ASCC3: variants seen among roughly 807,000 people sequenced by gnomAD.
The protein encoded by ASCC3 is ASC-1 complex subunit P200.
Under a neutral mutation model 256.3 loss-of-function variants are expected in ASCC3, and 158 were observed. The ratio of observed to expected loss-of-function variants is 0.62; its 90% CI spans 0.54 to 0.70. The LOEUF is 0.70. Among genes scored for constraint, ASCC3 ranks in the 30% least tolerant of loss-of-function variants. The pLI, the probability that ASCC3 is intolerant of heterozygous loss-of-function variation, is 0.00. For missense variants in ASCC3, 2,259 were observed against 2,626.0 expected, an observed-to-expected ratio of 0.86 and a Z score of 3.05; for synonymous variants, 948 against 883.4, an observed-to-expected ratio of 1.07 and a Z score of -1.30.
At chr6:100,819,234 C>T (rs1056739066) in intron 4 of ASCC3, among the ~76,000 whole-genome samples, 10 of 152,034 alleles carry the variant, frequency 6.6e-5, no homozygotes, top group Non-Finnish European at 1.2e-4. Flanking sequence ...TTGATGGGTG[C>T]AGCAAACCAA....
At chr6:100,841,144 A>C (rs772208423) in intron 4 of ASCC3, among the ~76,000 whole-genome samples, 1 of 152,138 alleles carries the variant, frequency 6.6e-6, no homozygotes, top group Non-Finnish European at 1.5e-5. Flanking sequence ...TCCTACAGAG[A>C]ATATTAGCTT....
At chr6:100,724,663 T>C (rs1174639913) in intron 11 of ASCC3, among the ~76,000 whole-genome samples, 1 of 151,864 alleles carries the variant, frequency 6.6e-6, no homozygotes, top group Non-Finnish European at 1.5e-5. Context: ...CTGGGCATTT[T>C]CCTGGTTAGG....
chr6:100,520,912 C>T lies in ASCC3; in HGVS notation c.5776-2770G>A, dbSNP rs111265835. ...TTTCCTGTGCCTCTGCTGTTCTTGACACACTCCACCATCATCCTTTTGTAA... is the reference window on the plus strand; with the variant it reads ...TTTCCTGTGCCTCTGCTGTTCTTGATACACTCCACCATCATCCTTTTGTAA... On this transcript the variant is annotated intron_variant, in intron 37 of 41. Coordinates refer to ENST00000369162, the MANE Select transcript of ASCC3 (RefSeq NM_006828.4). Among the ~76,000 whole-genome samples, 1,348 of 152,224 alleles carry T rather than the reference C, an allele frequency of 8.9e-3. 23 individuals carry two copies. Among genetic ancestry groups the T allele is most frequent in the African/African-American group, 0.031 (1,274 of 41,544 alleles).
intron 13 of ASCC3, among the ~76,000 whole-genome samples, chr6:100,713,632 CTG>C (rs1778958108): frequency 6.6e-6 from 1 of 152,162 alleles, no homozygotes; most frequent in Non-Finnish European, 1.5e-5. Context: ...ACTGGGGACA[CTG>C]TGCTTGTGTG....
At chr6:100,858,690 A>G in intron 3 of ASCC3, 1 of 1,011,668 alleles carries the variant, frequency 9.9e-7, no homozygotes, top group Non-Finnish European at 1.2e-6. Flanking sequence ...GACACATTTG[A>G]CAGTACATTT....
chr6:100,828,908 A>T (rs1179155895), intron 4 of ASCC3, among the ~76,000 whole-genome samples: 2 of 152,010 alleles, frequency 1.3e-5, no homozygotes, highest in East Asian at 1.9e-4. Flanking sequence ...CCCCACCCAC[A>T]TCCTGCTGAT....
intron 36 of ASCC3, among the ~76,000 whole-genome samples, chr6:100,569,670 C>T (rs187311040): frequency 1.1e-3 from 170 of 152,250 alleles, no homozygotes; most frequent in Non-Finnish European, 1.7e-3. Context: ...AGGCGTGGCG[C>T]GGTCGGTTAC....
chr6:100,688,182 C>T (rs1037131135), intron 13 of ASCC3, among the ~76,000 whole-genome samples: 2 of 150,776 alleles, frequency 1.3e-5, no homozygotes, highest in African/African-American at 4.9e-5. Context: ...AAAAAGTACG[C>T]AAACCATGGA....
At chr6:100,752,969 A>G (rs1297416195) in intron 10 of ASCC3, among the ~76,000 whole-genome samples, 3 of 152,140 alleles carry the variant, frequency 2.0e-5, no homozygotes, top group Non-Finnish European at 4.4e-5. Context: ...TGTATAGTAT[A>G]ATTCTGTGCA....
intron 37 of ASCC3, among the ~76,000 whole-genome samples, chr6:100,535,582 C>T (rs1451669865): frequency 6.7e-6 from 1 of 149,470 alleles, no homozygotes; most frequent in Non-Finnish European, 1.5e-5. Flanking sequence ...CAGTTCTCGG[C>T]CTCAGCCTCC....
chr6:100,652,833 T>C lies in ASCC3; in HGVS notation c.2880A>G (p.Lys960=). The C allele has an allele frequency of 6.2e-7, 1 of 1,613,954 alleles. No homozygotes were observed. The highest frequency in any genetic ancestry group is 2.2e-5 in the East Asian group (1 of 44,814). Residue 960 remains lysine (K), a synonymous_variant, in exon 18 of 42, where the codon AAA becomes AAG. Coordinates refer to ENST00000369162, the MANE Select transcript of ASCC3 (RefSeq NM_006828.4). ...REQLVIEVGR[K]LDKAQMIRFE... ...AACGAATCATCTGAGCTTTGTCTAG[T>C]TTTCGTCCAACTTCAATGACCAACT...
intron 13 of ASCC3, among the ~76,000 whole-genome samples, chr6:100,714,072 G>A (rs933857843): frequency 2.0e-5 from 3 of 152,122 alleles, no homozygotes; most frequent in Non-Finnish European, 2.9e-5. Context: ...TAGCCAGCAA[G>A]CCGCCTATTT....
At chr6:100,509,689 A>T (rs1263057623) in intron 41 of ASCC3, among the ~76,000 whole-genome samples, 156 bp from the exon 42 acceptor site, 1 of 152,136 alleles carries the variant, frequency 6.6e-6, no homozygotes, top group Non-Finnish European at 1.5e-5. Context: ...TCACGAGGTC[A>T]GGAGATGGAG....
intron 32 of ASCC3, 125 bp downstream of exon 32, chr6:100,606,615 C>A: frequency 9.5e-7 from 1 of 1,056,166 alleles, no homozygotes; most frequent in Non-Finnish European, 1.3e-6. Flanking sequence ...AATTGCTTAT[C>A]ATCTGTTTAA....
chr6:100,599,427 T>C (rs1279210305), intron 34 of ASCC3, among the ~76,000 whole-genome samples: 1 of 152,144 alleles, frequency 6.6e-6, no homozygotes, highest in Non-Finnish European at 1.5e-5. Flanking sequence ...TAGAGTGAAC[T>C]AGACAGGGCA....
chr6:100,547,779 C>A (rs1178224943), intron 36 of ASCC3, among the ~76,000 whole-genome samples: 1 of 151,816 alleles, frequency 6.6e-6, no homozygotes, highest in East Asian at 1.9e-4. Flanking sequence ...TCTAGCTATT[C>A]CATTCCTAGG....
chr6:100,557,704 TG>T (rs1769679681), intron 36 of ASCC3, among the ~76,000 whole-genome samples: 1 of 26,544 alleles, frequency 3.8e-5, no homozygotes. Context: ...TGCCAGAGGA[TG>T]GGAGGGGTAG....
chr6:100,516,419 T>G (rs779701858), intron 38 of ASCC3, 92 bp from the exon 39 acceptor site: 5 of 1,459,492 alleles, frequency 3.4e-6, no homozygotes, highest in Non-Finnish European at 3.8e-6. Flanking sequence ...TAGCTTTTTT[T>G]GTTTTAATTA....
At chr6:100,721,926 G>T (rs1193114609) in intron 11 of ASCC3, among the ~76,000 whole-genome samples, 3 of 151,698 alleles carry the variant, frequency 2.0e-5, no homozygotes, top group African/African-American at 7.2e-5. Flanking sequence ...GTCAAGAATG[G>T]TGTTTCCTAG....
Sources: gnomAD v4.1 joint callset for allele counts (sites outside exome capture counted in the v4.1 genomes callset) on GRCh38, gnomAD v4.1.1 for gene constraint, MANE v1.5 for transcripts, NCBI Gene and HGNC (gene_info 2026-07-23, HGNC 2026-07-21) for gene names.